Variants in RELN observed in about 807,000 individuals in gnomAD.
RELN encodes reelin.
Under a neutral mutation model 427.6 loss-of-function variants are expected in RELN, and 108 were observed. The observed-to-expected ratio is 0.25, with a 90% CI of 0.22 to 0.30. The LOEUF (loss-of-function observed/expected upper bound fraction) is 0.30. Among genes scored for constraint, RELN ranks in the 10% least tolerant of loss-of-function variants. The pLI is 1.00. For missense variants in RELN, 3,715 were observed against 4,302.8 expected (o/e 0.86, Z 3.82); for synonymous variants, 1,524 against 1,513.4 (o/e 1.01, Z -0.16).
At chr7:103,740,099 G>A (rs1334583635) in intron 6 of RELN, among the ~76,000 whole-genome samples, 2 of 152,072 alleles carry the variant, frequency 1.3e-5, no homozygotes, top group Non-Finnish European at 2.9e-5. Flanking sequence ...TTCTACCTTT[G>A]CACTAATAAG....
chr7:103,489,215 T>TGTGCGCGCGCACGCGCGCGCGC (rs1028667852), intron 60 of RELN, among the ~76,000 whole-genome samples: 1 of 151,446 alleles, frequency 6.6e-6, no homozygotes, highest in African/African-American at 2.4e-5. Context: ...TGTGTGTGTG[T>TGTGCGCGCGCACGCGCGCGCGC]GTGTGTGTGT....
chr7:103,650,512 A>C, intron 15 of RELN, 129 bp from the exon 16 acceptor site: 1 of 724,170 alleles, frequency 1.4e-6, no homozygotes, highest in East Asian at 2.7e-5. Flanking sequence ...TAAACTCTTT[A>C]AATTCACTTG....
chr7:103,969,304 C>G (rs1316915114), intron 1 of RELN, among the ~76,000 whole-genome samples: 1 of 152,158 alleles, frequency 6.6e-6, no homozygotes. Context: ...TACAATCTGC[C>G]TTTTTCTCCA....
chr7:103,787,612 C>A (rs1421574452), intron 3 of RELN, among the ~76,000 whole-genome samples: 1 of 152,154 alleles, frequency 6.6e-6, no homozygotes, highest in African/African-American at 2.4e-5. Flanking sequence ...TAGACACATA[C>A]ACACTCCCAA....
rs1395857954 is a variant in RELN, at chr7:103,573,028, T to C, written c.4512-768A>G. Among the ~76,000 whole-genome samples, 3 of 151,982 alleles carry C rather than the reference T, an allele frequency of 2.0e-5. No homozygotes were observed. On this transcript the variant is annotated intron_variant, in intron 30 of 64. Transcript: ENST00000428762. This position sits in a 1 kb window ranked among gnomAD's most constrained non-coding sequence, Gnocchi z 4.4. ...ATCTTGACTCACTTCAACCTCTGCC[T>C]CTTGGGCCCAAGCGATCCTCCTGCC... is the stretch of plus-strand genomic sequence containing the variant.
chr7:103,568,243 T>C (rs1830806883), intron 31 of RELN, among the ~76,000 whole-genome samples: 1 of 152,320 alleles, frequency 6.6e-6, no homozygotes, highest in Non-Finnish European at 1.5e-5. Flanking sequence ...AGTGTAGTGC[T>C]AAAAGAAGGC....
rs1797183606 is a variant in RELN, at chr7:103,989,563, G to T, written c.-207C>A. ...CTCCCAAAGTTACTTTGGGCCGCGGGAGCGCGGGACCGGGGCTGCGGGCGC... is the reference window on the plus strand; with the variant it reads ...CTCCCAAAGTTACTTTGGGCCGCGGTAGCGCGGGACCGGGGCTGCGGGCGC... On this transcript the variant is annotated 5_prime_UTR_variant, in exon 1 of 65. Transcript: ENST00000428762. The surrounding 1 kb of genome is among the most constrained non-coding windows in gnomAD (Gnocchi z 4.9). The T allele has an allele frequency of 4.6e-6, 2 of 438,200 alleles. No individual in the cohort carries two copies. Among genetic ancestry groups the T allele is most frequent in the Non-Finnish European group, 7.6e-6 (2 of 262,374 alleles). 27.1% of individuals were successfully genotyped at this position (438,200 alleles called of 1,614,324 possible). A position where few individuals can be genotyped will look rare whatever the true frequency, so the allele number is the denominator to read the frequency against.
At position 103,491,950 on chromosome 7, in the gene RELN, A is replaced by G; in HGVS notation, c.9443+3T>C. 1 of 1,610,434 alleles carries G rather than the reference A, an allele frequency of 6.2e-7. No individual in the cohort carries two copies. Among genetic ancestry groups the G allele is most frequent in the South Asian group, 1.1e-5 (1 of 90,628 alleles). ...AGATAATGTTAAAAATTATTTCACA[A>G]ACCTTGCATCCTTAGTGTATTCCAG... is the stretch of plus-strand genomic sequence containing the variant. On this transcript the variant is annotated splice_donor_region_variant and intron_variant, in intron 58 of 64. Transcript: ENST00000428762.
intron 4 of RELN, among the ~76,000 whole-genome samples, chr7:103,772,961 G>C (rs1371145467): frequency 6.6e-6 from 1 of 152,132 alleles, no homozygotes; most frequent in Non-Finnish European, 1.5e-5. Flanking sequence ...CATTATAGCA[G>C]TTCTGTAAAG....
intron 24 of RELN, among the ~76,000 whole-genome samples, chr7:103,597,718 A>T (rs1336863281): frequency 1.3e-5 from 2 of 152,094 alleles, no homozygotes; most frequent in East Asian, 3.9e-4. Context: ...GCAACCACTA[A>T]ATGGTCTCTG....
Position 103,626,899 on chromosome 7 carries a change from T to C in RELN, c.2702+3041A>G, listed in dbSNP as rs1246027348. Among the ~76,000 whole-genome samples, 1 of 152,074 alleles carries C rather than the reference T, an allele frequency of 6.6e-6. No homozygotes were observed. Among genetic ancestry groups the C allele is most frequent in the Non-Finnish European group, 1.5e-5 (1 of 67,958 alleles). ...AAGTTCTGAGTTCAGATACTATGTA[T>C]GGAAGAAAGTATTCAAAGAATTCAA... On this transcript the variant is annotated intron_variant, in intron 20 of 64. Coordinates refer to ENST00000428762, the MANE Select transcript of RELN (RefSeq NM_005045.4). The surrounding 1 kb of genome is among the most constrained non-coding windows in gnomAD (Gnocchi z 4.4).
chr7:103,768,094 C>A (rs780063967), intron 4 of RELN, among the ~76,000 whole-genome samples: 1 of 152,168 alleles, frequency 6.6e-6, no homozygotes, highest in Non-Finnish European at 1.5e-5. Flanking sequence ...TATTCCAAGA[C>A]CTAGCCTAGA....
intron 1 of RELN, among the ~76,000 whole-genome samples, chr7:103,949,129 A>G (rs1040485731): frequency 5.1e-4 from 77 of 152,028 alleles, no homozygotes; most frequent in African/African-American, 1.8e-3. Context: ...GTATACACAC[A>G]CACATTGCAT....
intron 2 of RELN, among the ~76,000 whole-genome samples, chr7:103,882,458 A>G (rs1467578977): frequency 6.6e-6 from 1 of 151,688 alleles, no homozygotes; most frequent in Admixed American, 6.6e-5. Flanking sequence ...GGGTCCGTAA[A>G]TTTTTTTTTA....
rs1398828688 is a variant in RELN at position 103,888,265 on chromosome 7, C to T, written c.337+28810G>A. 2.6e-5 allele frequency among the ~76,000 whole-genome samples: 4 copies of T among 151,484 alleles called. No homozygotes were observed. In the East Asian group the frequency reaches 7.7e-4, roughly 29 times the overall value. Reference sequence around the variant, plus strand: ...AAAAAATATATATATATATATCACCCGAGAACCTGAAATCAAGTAAGTATT... The same window carrying T: ...AAAAAATATATATATATATATCACCTGAGAACCTGAAATCAAGTAAGTATT... On this transcript the variant is annotated intron_variant, in intron 2 of 64. Coordinates refer to ENST00000428762, the MANE Select transcript of RELN (RefSeq NM_005045.4).
chr7:103,615,965 A>T (rs969231958), intron 20 of RELN, among the ~76,000 whole-genome samples: 1 of 152,190 alleles, frequency 6.6e-6, no homozygotes, highest in Non-Finnish European at 1.5e-5. Context: ...ACACATAGCC[A>T]AAGTAAGTGG....
intron 2 of RELN, among the ~76,000 whole-genome samples, chr7:103,875,964 C>A (rs750888188): frequency 7.2e-5 from 11 of 152,172 alleles, no homozygotes; most frequent in Non-Finnish European, 1.3e-4. Context: ...TGCAACATCA[C>A]AGAAAAGCCA....
intron 28 of RELN, among the ~76,000 whole-genome samples, chr7:103,585,198 AC>A (rs35276102): frequency 0.5 from 76,053 of 151,836 alleles, 19,589 homozygotes; most frequent in South Asian, 0.62. Context: ...AAAAGAAATA[AC>A]AAAGATCAAA....
chr7:103,903,550 G>C lies in RELN; in HGVS notation c.337+13525C>G, dbSNP rs185001967. Among the ~76,000 whole-genome samples the C allele has an allele frequency of 6.6e-4, 101 of 152,056 alleles. 1 individual carries two copies. The highest frequency in any genetic ancestry group is 2.6e-4 in the Admixed American group (4 of 15,236). On this transcript the variant is annotated intron_variant, in intron 2 of 64. Coordinates refer to ENST00000428762, the MANE Select transcript of RELN (RefSeq NM_005045.4). The stretch of plus-strand genomic sequence containing the variant: ...TATCTCACAAATACATTTTTAACAC[G>C]AACAGGCAAAATTATAACATTATTT...
Sources: allele counts gnomAD v4.1 joint callset (sites outside exome capture counted in the v4.1 genomes callset), GRCh38; gene constraint gnomAD v4.1.1; non-coding constraint Gnocchi (gnomAD v3.1); transcripts MANE v1.5; gene names NCBI Gene and HGNC (gene_info 2026-07-23, HGNC 2026-07-21).